Variants in TAF5L observed in about 807,000 individuals in gnomAD.
The protein encoded by TAF5L is TAF5-like RNA polymerase II p300/CBP-associated factor-associated factor 65 kDa subunit 5L.
In TAF5L, 7 loss-of-function variants were observed where a neutral mutation model predicts 51.3. The observed-to-expected ratio is 0.14, with a 90% CI of 0.08 to 0.26. The LOEUF is 0.26. TAF5L is among the 10% of genes least tolerant of loss of function. The probability of loss-of-function intolerance (pLI) is 1.00; values close to 1 mark genes in which losing one functional copy is unlikely to be tolerated. For synonymous variants in TAF5L, 291 were observed against 308.1 expected (o/e 0.94, Z 0.58); for missense variants, 575 against 758.9 (o/e 0.76, Z 2.85).
In TAF5L at chr1:229,607,452, C is replaced by T. The variant is rs1363339924; in HGVS notation, c.247+2654G>A. 1.1e-5 allele frequency: 11 copies of T among 985,432 alleles called. No individual in the cohort carries two copies. The East Asian group carries it at 3.4e-4, about 30-fold the overall frequency. 61.0% of individuals were successfully genotyped at this position (985,432 alleles called of 1,614,324 possible). On this transcript the variant is annotated intron_variant, in intron 3 of 4. Transcript: ENST00000258281. Reference sequence around the variant, plus strand: ...AAAGCCTTAGTTGTTCCTGTACAGTCGTCAAGCCTGCCTTTTTGCTCATGT... The same window carrying T: ...AAAGCCTTAGTTGTTCCTGTACAGTTGTCAAGCCTGCCTTTTTGCTCATGT...
exon 5 of TAF5L, chr1:229,595,086 C>CTCA (rs767053774): frequency 2.5e-6 from 4 of 1,594,020 alleles, no homozygotes; most frequent in Non-Finnish European, 3.4e-6. Context: ...CATTATCATC[C>CTCA]TCATCATCCT....
chr1:229,600,640 C>A, intron 4 of TAF5L: 1 of 985,412 alleles, frequency 1.0e-6, no homozygotes, highest in Non-Finnish European at 1.2e-6. Context: ...CCTGTCTTGG[C>A]CCCTCTCCTA....
Position 229,602,618 on chromosome 1 carries a change from G to A in TAF5L, c.549C>T (p.Asn183=). The change falls in exon 4 of 5, where the codon AAC becomes AAT. Residue 183 remains asparagine (N), a synonymous_variant. Transcript: ENST00000258281. The surrounding 1 kb of genome is among the most constrained non-coding windows in gnomAD (Gnocchi z 4.6). ...TGAGGACTTTGCACAGGGCAGTATT[G>A]TTGTCACTTTGGAGGTAGCGGATAA... 1.9e-6 allele frequency: 3 copies of A among 1,614,176 alleles called. No homozygotes were observed. Among genetic ancestry groups the A allele is most frequent in the Non-Finnish European group, 2.5e-6 (3 of 1,180,050 alleles).
At chr1:229,604,173 A>ATT (rs4006085) in intron 3 of TAF5L, among the ~76,000 whole-genome samples, 50,624 of 144,828 alleles carry the variant, frequency 0.35, 9,242 homozygotes, top group East Asian at 0.53. Context: ...TTCTGGTAGC[A>ATT]TTTTTTTTTT....
rs1453941973 is a variant in TAF5L, at chr1:229,625,065, C to T, written c.-4+820G>A. 1.3e-5 allele frequency among the ~76,000 whole-genome samples: 2 copies of T among 152,214 alleles called. No homozygotes were observed. The highest frequency in any genetic ancestry group is 6.5e-5 in the Admixed American group (1 of 15,286). On this transcript the variant is annotated intron_variant, in intron 1 of 4. Coordinates refer to ENST00000258281, the Ensembl canonical transcript of TAF5L. This position sits in a 1 kb window ranked among gnomAD's most constrained non-coding sequence, Gnocchi z 4.0. ...ATGGGACTGGCACTTACCTTCTGAT[C>T]CCAGAACCACAAAGACTGCGAGATC...
rs1446016515 is a variant in TAF5L, at chr1:229,625,617, G to A, written c.-4+268C>T. On this transcript the variant is annotated intron_variant, in intron 1 of 4. Transcript: ENST00000258281. The surrounding 1 kb of genome is among the most constrained non-coding windows in gnomAD (Gnocchi z 4.0). ...ACCCACCCCTGCGCAGGAACGCGAC[G>A]CCAGTCCAGGTGTAGCCGCCGACTG... Among the ~76,000 whole-genome samples the A allele has an allele frequency of 1.3e-5, 2 of 151,530 alleles. No homozygotes were observed. Among genetic ancestry groups the A allele is most frequent in the African/African-American group, 4.8e-5 (2 of 41,334 alleles).
intron 3 of TAF5L, among the ~76,000 whole-genome samples, chr1:229,604,113 G>A (rs1455909747): frequency 2.7e-5 from 4 of 150,634 alleles, no homozygotes; most frequent in Middle Eastern, 3.2e-3. Flanking sequence ...TGTAATGTTT[G>A]TACATATTTA....
intron 2 of TAF5L, among the ~76,000 whole-genome samples, chr1:229,611,627 G>C (rs1264480594): frequency 1.3e-5 from 2 of 152,118 alleles, no homozygotes; most frequent in African/African-American, 4.8e-5. Flanking sequence ...CTGTCACTAA[G>C]TCCTACAGAT....
In TAF5L at chr1:229,602,698, C is replaced by A; in HGVS notation, c.469G>T (p.Ala157Ser). ...ACCACGTACTTGTTATCTAGGAATGCTCGAAGCTTGAAGTTAGATAGGATG... is the reference window on the plus strand; with the variant it reads ...ACCACGTACTTGTTATCTAGGAATGATCGAAGCTTGAAGTTAGATAGGATG... The change falls in exon 4 of 5, where the codon GCA becomes TCA. Residue 157 changes from alanine to serine, a missense_variant. Coordinates refer to ENST00000258281, the Ensembl canonical transcript of TAF5L. This position sits in a 1 kb window ranked among gnomAD's most constrained non-coding sequence, Gnocchi z 4.6. 6.2e-7 allele frequency: 1 copy of A among 1,614,114 alleles called. No homozygotes were observed. Among genetic ancestry groups the A allele is most frequent in the Non-Finnish European group, 8.5e-7 (1 of 1,180,026 alleles).
At chr1:229,593,630 G>A (rs1037787793) in exon 5 of TAF5L, 2 of 151,912 alleles carry the variant, frequency 1.3e-5, no homozygotes, top group Non-Finnish European at 2.9e-5. Context: ...CAAATTCTCT[G>A]AATTCCCTGA....
At chr1:229,622,147 G>A (rs1196427567) in intron 1 of TAF5L, among the ~76,000 whole-genome samples, 3 of 151,780 alleles carry the variant, frequency 2.0e-5, no homozygotes, top group Non-Finnish European at 4.4e-5. Context: ...TTTAACACTT[G>A]CACTTTGTGA....
intron 4 of TAF5L, among the ~76,000 whole-genome samples, chr1:229,596,248 T>TGG (rs1033757858): frequency 5.9e-5 from 9 of 152,140 alleles, no homozygotes; most frequent in African/African-American, 2.2e-4. Context: ...CACTCCAGCC[T>TGG]GGGGGACAGA....
chr1:229,616,538 T>C (rs1363417687), intron 1 of TAF5L, among the ~76,000 whole-genome samples: 1 of 152,148 alleles, frequency 6.6e-6, no homozygotes, highest in Non-Finnish European at 1.5e-5. Flanking sequence ...AAATTATTTG[T>C]ATCTAATTTT....
chr1:229,619,394 C>A (rs150475425), intron 1 of TAF5L, among the ~76,000 whole-genome samples: 4 of 152,102 alleles, frequency 2.6e-5, no homozygotes, highest in Admixed American at 1.3e-4. Flanking sequence ...CCCATGGTGT[C>A]CTAAGAAATA....
chr1:229,603,153 G>A lies in TAF5L; in HGVS notation c.248-234C>T, dbSNP rs113795213. ...ATCAGGGCCTGAAGTTGGGCACAAC[G>A]CAGGAACTTAATGCCCAGAGTGGTT... On this transcript the variant is annotated intron_variant, in intron 3 of 4. Transcript: ENST00000258281. 9.9e-5 allele frequency among the ~76,000 whole-genome samples: 15 copies of A among 152,260 alleles called. No individual in the cohort carries two copies. In the South Asian group the frequency reaches 1.2e-3, roughly 13 times the overall value.
intron 1 of TAF5L, among the ~76,000 whole-genome samples, chr1:229,624,642 C>T (rs1174583669): frequency 2.6e-5 from 4 of 152,112 alleles, no homozygotes; most frequent in Non-Finnish European, 5.9e-5. Context: ...TCCTTATCAT[C>T]GCATTTTATA....
At chr1:229,595,122 AG>A (rs1664071017) in intron 4 of TAF5L, 28 bp from the exon 5 acceptor site, 4 of 1,540,274 alleles carry the variant, frequency 2.6e-6, no homozygotes, top group Non-Finnish European at 3.5e-6. Context: ...GGGTGGGAAA[AG>A]AAACACACAC....
At chr1:229,605,497 G>A (rs1664559835) in intron 3 of TAF5L, among the ~76,000 whole-genome samples, 1 of 152,162 alleles carries the variant, frequency 6.6e-6, no homozygotes, top group Non-Finnish European at 1.5e-5. Context: ...ATGCATACAG[G>A]TGCCAAGTTA....
At chr1:229,596,189 A>C (rs1184769020) in intron 4 of TAF5L, among the ~76,000 whole-genome samples, 1 of 152,134 alleles carries the variant, frequency 6.6e-6, no homozygotes, top group Non-Finnish European at 1.5e-5. Flanking sequence ...TAGGAGGCTC[A>C]CTTGAGCCTG....
Sources: allele counts gnomAD v4.1 joint callset (sites outside exome capture counted in the v4.1 genomes callset), GRCh38; gene constraint gnomAD v4.1.1; non-coding constraint Gnocchi (gnomAD v3.1); transcripts MANE v1.5; gene names NCBI Gene and HGNC (gene_info 2026-07-23, HGNC 2026-07-21).